Variants in ZNF518B observed in about 807,000 individuals in gnomAD.
The protein encoded by ZNF518B is zinc finger protein 518B.
Under a neutral mutation model 56.3 loss-of-function variants are expected in ZNF518B, and 23 were observed. The ratio of observed to expected loss-of-function variants is 0.41; its 90% CI spans 0.29 to 0.58. The LOEUF is 0.58. Among genes scored for constraint, ZNF518B ranks in the 20% least tolerant of loss-of-function variants. The pLI is 0.32. For synonymous variants in ZNF518B, 529 were observed against 465.9 expected, an observed-to-expected ratio of 1.14 and a Z score of -1.74; for missense variants, 1,460 against 1,272.1, an observed-to-expected ratio of 1.15 and a Z score of -2.25.
chr4:10,449,673 A>G (rs11945424), intron 2 of ZNF518B, among the ~76,000 whole-genome samples: 10,012 of 152,244 alleles, frequency 0.066, 872 homozygotes, highest in African/African-American at 0.19. Context: ...ATATAAGTTG[A>G]TATCTGTTTA....
chr4:10,460,333 A>AAAAAAAAAAAAAAAAAAAAAAAAAAAAAG (rs1715709310), upstream of ZNF518B, among the ~76,000 whole-genome samples: 1 of 147,302 alleles, frequency 6.8e-6, no homozygotes. Context: ...ACCAAAAAAA[A>AAAAAAAAAAAAAAAAAAAAAAAAAAAAAG]AAAAACCGAC....
At position 10,443,415 on chromosome 4, in the gene ZNF518B, T is replaced by G. The variant is rs1403658802; in HGVS notation, c.2914A>C (p.Lys972Gln). Residue 972 changes from lysine to glutamine, a missense_variant, in exon 3 of 3, where the codon AAA becomes CAA. Transcript: ENST00000326756. The stretch of plus-strand genomic sequence containing the variant: ...CTAGTCCTCTCTGATAAAACAACTT[T>G]GAGGACATTGCCTTTGTATTTATTT... ...VINKYKGNVL[K>Q]VVLSERTRCQ... 6.2e-7 allele frequency: 1 copy of G among 1,614,242 alleles called. No individual in the cohort carries two copies. The highest frequency in any genetic ancestry group is 1.1e-5 in the South Asian group (1 of 91,084).
In ZNF518B at chr4:10,442,913, C is replaced by G; in HGVS notation, c.*191G>C. 1 of 553,526 alleles carries G rather than the reference C, an allele frequency of 1.8e-6. No individual in the cohort carries two copies. Among genetic ancestry groups the G allele is most frequent in the Non-Finnish European group, 3.1e-6 (1 of 319,694 alleles). The allele number at this position is 553,526 out of a possible 1,614,324, so 34.3% of individuals were successfully genotyped here. A position where few individuals can be genotyped will look rare whatever the true frequency, so the allele number is the denominator to read the frequency against. ...CCAATTTGCATGTACAATTTCAGAGCCTTCAAATACATTCTGGGGTCCAAT... is the reference window on the plus strand; with the variant it reads ...CCAATTTGCATGTACAATTTCAGAGGCTTCAAATACATTCTGGGGTCCAAT... On this transcript the variant is annotated 3_prime_UTR_variant, in exon 3 of 3. Transcript: ENST00000326756.
Position 10,447,298 on chromosome 4 carries a change from T to C in ZNF518B, c.-211-759A>G, listed in dbSNP as rs536947342. Among the ~76,000 whole-genome samples the C allele has an allele frequency of 2.0e-5, 3 of 152,224 alleles. No individual in the cohort carries two copies. The East Asian group carries it at 5.8e-4, about 29-fold the overall frequency. On this transcript the variant is annotated intron_variant, in intron 2 of 2. Coordinates refer to ENST00000326756, the MANE Select transcript of ZNF518B (RefSeq NM_053042.3). ...GACAGGGAAGACCACGGTGATGAGGTTGCGGGGCTGGGTGTGGAGGTGAGG... is the reference window on the plus strand; with the variant it reads ...GACAGGGAAGACCACGGTGATGAGGCTGCGGGGCTGGGTGTGGAGGTGAGG...
intron 2 of ZNF518B, among the ~76,000 whole-genome samples, chr4:10,449,303 G>C (rs1715202691): frequency 6.6e-6 from 1 of 152,200 alleles, no homozygotes; most frequent in Admixed American, 6.5e-5. Flanking sequence ...GGAGATTTTT[G>C]TGGCTTGTAA....
Position 10,443,338 on chromosome 4 carries a change from C to G in ZNF518B, c.2991G>C (p.Ala997=), listed in dbSNP as rs556935574. Residue 997 remains alanine, a synonymous_variant, in exon 3 of 3, where the codon GCG becomes GCC. Coordinates refer to ENST00000326756, the MANE Select transcript of ZNF518B (RefSeq NM_053042.3). ...RHHVRLTYQN[A]EEASQIKRQM... ...GCCTTTTAATTTGACTGGCTTCTTC[C>G]GCATTCTGGTAGGTCAGGCGTACAT... 3 of 1,614,168 alleles carry G rather than the reference C, an allele frequency of 1.9e-6. No individual in the cohort carries two copies. The highest frequency in any genetic ancestry group is 2.5e-6 in the Non-Finnish European group (3 of 1,180,026).
chr4:10,455,495 T>A (rs2108997893), intron 1 of ZNF518B, among the ~76,000 whole-genome samples: 1 of 152,342 alleles, frequency 6.6e-6, no homozygotes, highest in South Asian at 2.1e-4. Context: ...AGTGAATGAA[T>A]GAATGAAAGA....
chr4:10,455,491 T>A (rs1459273743), intron 1 of ZNF518B, among the ~76,000 whole-genome samples: 1 of 152,156 alleles, frequency 6.6e-6, no homozygotes. Context: ...AATGAGTGAA[T>A]GAATGAATGA....
Position 10,445,975 on chromosome 4 carries a change from T to A in ZNF518B, c.354A>T (p.Ser118=), listed in dbSNP as rs757202061. 6.2e-7 allele frequency: 1 copy of A among 1,614,216 alleles called. No homozygotes were observed. The highest frequency in any genetic ancestry group is 1.7e-5 in the Admixed American group (1 of 60,020). ...CCTTAAATTTGCTATTGACAGAACTTGAGAAGTTTTCAGTTTTATTTCCAA... is the reference window on the plus strand; with the variant it reads ...CCTTAAATTTGCTATTGACAGAACTAGAGAAGTTTTCAGTTTTATTTCCAA... ...THVGNKTENF[S]SSVNSKFKVR... Residue 118 remains serine, a synonymous_variant, in exon 3 of 3, where the codon TCA becomes TCT. Transcript: ENST00000326756.
rs561875461 is a variant in ZNF518B, at chr4:10,443,604, G to A, written c.2725C>T (p.Arg909Cys). 128 of 1,614,144 alleles carry A rather than the reference G, an allele frequency of 7.9e-5. No individual in the cohort carries two copies. The highest frequency in any genetic ancestry group is 4.9e-4 in the Middle Eastern group (3 of 6,062). ...AAAATTGAAGGATCCTTGAGACAGC[G>A]GCTAGGTTCAGCTTGAATTTTGTTT... The part of the protein sequence containing the change: ...KKNKIQAEPS[R>C]CLKDPSIFQV... Residue 909 changes from arginine (R) to cysteine (C), a missense_variant, in exon 3 of 3, where the codon CGC (arginine) becomes TGC (cysteine). Coordinates refer to ENST00000326756, the MANE Select transcript of ZNF518B (RefSeq NM_053042.3).
chr4:10,446,117 A>T lies in ZNF518B; in HGVS notation c.212T>A (p.Leu71His), dbSNP rs1715036910. ...CCCTGTACCCTTCTGCAAATCTTGA[A>T]GAGAGATCTTGTGAACACTTTTGCA... The part of the protein sequence containing the change: ...AKCKSVHKIS[L>H]QDLQKGTGKD... The change falls in exon 3 of 3, where the codon CTT becomes CAT. Residue 71 changes from leucine to histidine, a missense_variant. Coordinates refer to ENST00000326756, the MANE Select transcript of ZNF518B (RefSeq NM_053042.3). 1 of 1,614,094 alleles carries T rather than the reference A, an allele frequency of 6.2e-7. No homozygotes were observed. Among genetic ancestry groups the T allele is most frequent in the South Asian group, 1.1e-5 (1 of 91,086 alleles).
chr4:10,458,296 C>A (rs1208356121), upstream of ZNF518B, among the ~76,000 whole-genome samples: 3 of 152,024 alleles, frequency 2.0e-5, no homozygotes, highest in Admixed American at 6.6e-5. Flanking sequence ...CTGGGAAGTA[C>A]AGTTTCTTCG....
At position 10,446,187 on chromosome 4, in the gene ZNF518B, A is replaced by C. The variant is rs1484704253; in HGVS notation, c.142T>G (p.Ser48Ala). Reference protein sequence around the residue: ...QEAQTLLYQGSEAEAAMMTIA... With the variant: ...QEAQTLLYQGAEAEAAMMTIA... The stretch of plus-strand genomic sequence containing the variant: ...GTCATCATGGCAGCCTCTGCCTCTG[A>C]GCCTTGATACAAAAGGGTTTGTGCT... Residue 48 changes from serine to alanine, a missense_variant, in exon 3 of 3, where the codon TCA becomes GCA. Ser to Ala is a moderately conservative substitution (Grantham distance 99, BLOSUM62 1). Transcript: ENST00000326756. The C allele has an allele frequency of 6.8e-6, 11 of 1,614,064 alleles. No homozygotes were observed. The highest frequency in any genetic ancestry group is 9.3e-6 in the Non-Finnish European group (11 of 1,180,046).
chr4:10,450,720 A>G (rs1290272839), intron 2 of ZNF518B, among the ~76,000 whole-genome samples: 3 of 152,208 alleles, frequency 2.0e-5, no homozygotes, highest in Admixed American at 1.3e-4. Flanking sequence ...GTGCATGGGT[A>G]TGCTGGCACT....
At chr4:10,451,229 T>C (rs959498293) in intron 2 of ZNF518B, 1 of 152,108 alleles carries the variant, frequency 6.6e-6, no homozygotes, top group African/African-American at 2.4e-5. Flanking sequence ...ATCAGTGACA[T>C]TGAGGGCTAT....
upstream of ZNF518B, among the ~76,000 whole-genome samples, chr4:10,460,482 G>C (rs4339203): frequency 6.6e-6 from 1 of 151,820 alleles, no homozygotes; most frequent in African/African-American, 2.4e-5. Context: ...GGACTTGGGA[G>C]ATGAGCTGTA....
At chr4:10,449,450 C>A (rs1424226036) in intron 2 of ZNF518B, among the ~76,000 whole-genome samples, 1 of 152,184 alleles carries the variant, frequency 6.6e-6, no homozygotes, top group Non-Finnish European at 1.5e-5. Flanking sequence ...AAACAAAAAA[C>A]CACTTCCCTC....
Position 10,444,103 on chromosome 4 carries a change from T to C in ZNF518B, c.2226A>G (p.Gln742=), listed in dbSNP as rs1427245784. The C allele has an allele frequency of 1.2e-6, 2 of 1,614,252 alleles. No individual in the cohort carries two copies. The highest frequency in any genetic ancestry group is 1.1e-5 in the South Asian group (1 of 91,088). Residue 742 remains glutamine (Q), a synonymous_variant, in exon 3 of 3, where the codon CAA becomes CAG. Coordinates refer to ENST00000326756, the MANE Select transcript of ZNF518B (RefSeq NM_053042.3). ...CATCTGCAAAGTGTGGATATATTTG[T>C]TGATGAGTAAGCTGTCTATTACCAG... ...GITGNRQLTH[Q]QIYPHFADGS...
rs553343759 is a variant in ZNF518B, at chr4:10,451,720, C to A, written c.-212+3085G>T. 3 of 152,248 alleles carry A rather than the reference C, an allele frequency of 2.0e-5. No homozygotes were observed. In the South Asian group the frequency reaches 6.2e-4, roughly 32 times the overall value. 9.4% of individuals were successfully genotyped at this position (152,248 alleles called of 1,614,324 possible). On this transcript the variant is annotated intron_variant, in intron 2 of 2. Coordinates refer to ENST00000326756, the MANE Select transcript of ZNF518B (RefSeq NM_053042.3). Reference sequence around the variant, plus strand: ...AAGATAATTTACCTCTGTGGCAAAACCACCCACCTAGCTTTAGTGCAAAGG... The same window carrying A: ...AAGATAATTTACCTCTGTGGCAAAAACACCCACCTAGCTTTAGTGCAAAGG...
Sources: gnomAD v4.1 joint callset for allele counts (sites outside exome capture counted in the v4.1 genomes callset) on GRCh38, gnomAD v4.1.1 for gene constraint, MANE v1.5 for transcripts, NCBI Gene and HGNC (gene_info 2026-07-23, HGNC 2026-07-21) for gene names.